GFRA1: variants seen among roughly 807,000 people sequenced by gnomAD.
GFRA1 encodes GDNF family receptor alpha-1.
A neutral mutation model predicts 51.6 loss-of-function variants in GFRA1; 16 were observed. The observed-to-expected ratio is 0.31, with a 90% CI of 0.21 to 0.47. The LOEUF (loss-of-function observed/expected upper bound fraction) is 0.47. GFRA1 is among the 20% of genes least tolerant of loss of function. GFRA1 has a pLI of 1.00. For synonymous variants in GFRA1, 270 were observed against 241.3 expected (o/e 1.12, Z -1.10); for missense variants, 530 against 594.3 (o/e 0.89, Z 1.13).
At chr10:116,169,381 G>A (rs1430312666) in intron 5 of GFRA1, among the ~76,000 whole-genome samples, 1 of 152,248 alleles carries the variant, frequency 6.6e-6, no homozygotes, top group African/African-American at 2.4e-5. Context: ...TCCCTGGCGA[G>A]GGCTCCACCC....
chr10:116,252,542 A>G (rs763704265), intron 4 of GFRA1, among the ~76,000 whole-genome samples: 3 of 152,102 alleles, frequency 2.0e-5, no homozygotes, highest in Non-Finnish European at 2.9e-5. Context: ...CAGGCTATCA[A>G]TGGTCATGCA....
At chr10:116,120,915 AAAGCTACCGGC>A (rs1957615824) in intron 6 of GFRA1, among the ~76,000 whole-genome samples, 1 of 152,176 alleles carries the variant, frequency 6.6e-6, no homozygotes, top group South Asian at 2.1e-4. Flanking sequence ...GGCAGCAGCT[AAAGCTACCGGC>A]AAGCGGGCGG....
chr10:116,211,594 A>C (rs1965198220), intron 5 of GFRA1, 37 bp downstream of exon 5: 1 of 1,537,238 alleles, frequency 6.5e-7, no homozygotes, highest in East Asian at 2.4e-5. Flanking sequence ...CAAAGAGCAC[A>C]GCCAGTGAAA....
intron 9 of GFRA1, among the ~76,000 whole-genome samples, chr10:116,081,454 C>G (rs559467763): frequency 6.6e-6 from 1 of 152,168 alleles, no homozygotes; most frequent in Non-Finnish European, 1.5e-5. Flanking sequence ...TACCCAGAAA[C>G]GCAATGTTTA....
chr10:116,079,609 AG>A (rs748043522), intron 9 of GFRA1, among the ~76,000 whole-genome samples: 62 of 152,110 alleles, frequency 4.1e-4, no homozygotes, highest in Non-Finnish European at 8.2e-4. Flanking sequence ...GCCATAGTTG[AG>A]GAAAGGTGCT....
At chr10:116,159,009 G>A (rs149262204) in intron 5 of GFRA1, among the ~76,000 whole-genome samples, 219 of 152,304 alleles carry the variant, frequency 1.4e-3, no homozygotes, top group African/African-American at 4.9e-3. Context: ...TGAAGGAAAC[G>A]GTGCTTTACC....
At chr10:116,234,196 T>A (rs757026714) in intron 4 of GFRA1, among the ~76,000 whole-genome samples, 2 of 152,158 alleles carry the variant, frequency 1.3e-5, no homozygotes, top group Non-Finnish European at 2.9e-5. Flanking sequence ...TTGCCTTTTT[T>A]CCCCCTTCAG....
chr10:116,151,009 T>A (rs2134136714), intron 5 of GFRA1, among the ~76,000 whole-genome samples: 1 of 152,260 alleles, frequency 6.6e-6, no homozygotes, highest in Non-Finnish European at 1.5e-5. Context: ...CTGCACTTTT[T>A]TTTTTTTCTA....
chr10:116,215,373 C>T (rs748282727), intron 4 of GFRA1, among the ~76,000 whole-genome samples: 7 of 152,116 alleles, frequency 4.6e-5, no homozygotes, highest in African/African-American at 1.2e-4. Context: ...TGTTCCTGTC[C>T]GCCACCTCCA....
At chr10:116,141,909 T>C (rs1958586737) in intron 5 of GFRA1, among the ~76,000 whole-genome samples, 1 of 152,008 alleles carries the variant, frequency 6.6e-6, no homozygotes, top group African/African-American at 2.4e-5. Context: ...TCTAAGAACA[T>C]CTGTGAATGC....
chr10:116,196,694 A>G (rs1403125190), intron 5 of GFRA1, among the ~76,000 whole-genome samples: 2 of 49,316 alleles, frequency 4.1e-5, no homozygotes, highest in Admixed American at 6.4e-4. Context: ...ATAGTACTAT[A>G]TATAATATAT....
At chr10:116,095,795 G>A (rs1228967593) in intron 7 of GFRA1, among the ~76,000 whole-genome samples, 1 of 152,158 alleles carries the variant, frequency 6.6e-6, no homozygotes, top group Admixed American at 6.5e-5. Flanking sequence ...CAGACAGCCG[G>A]CAGGAACACA....
chr10:116,214,998 C>T (rs1011992995), intron 4 of GFRA1, among the ~76,000 whole-genome samples: 4 of 152,020 alleles, frequency 2.6e-5, no homozygotes, highest in East Asian at 3.8e-4. Flanking sequence ...CATTTTGCAC[C>T]GTTTTATTCA....
chr10:116,161,341 C>G (rs1030606478), intron 5 of GFRA1, among the ~76,000 whole-genome samples: 4 of 152,076 alleles, frequency 2.6e-5, no homozygotes, highest in African/African-American at 9.7e-5. Context: ...TTCTAACTCC[C>G]AAATATGGAG....
intron 4 of GFRA1, among the ~76,000 whole-genome samples, chr10:116,239,921 C>G (rs1248566625): frequency 6.6e-6 from 1 of 152,142 alleles, no homozygotes; most frequent in Admixed American, 6.5e-5. Context: ...GTTAACATAG[C>G]TCCTTGTTAC....
chr10:116,256,436 A>T (rs1790816509), intron 4 of GFRA1, among the ~76,000 whole-genome samples: 1 of 152,132 alleles, frequency 6.6e-6, no homozygotes, highest in South Asian at 2.1e-4. Flanking sequence ...AGCAGCTAAA[A>T]AGGGCAGCAC....
At chr10:116,093,469 A>G (rs1383340164) in intron 8 of GFRA1, among the ~76,000 whole-genome samples, 2 of 152,154 alleles carry the variant, frequency 1.3e-5, no homozygotes, top group African/African-American at 2.4e-5. Context: ...CCAGTTCATC[A>G]CTTGCTGGGT....
intron 5 of GFRA1, among the ~76,000 whole-genome samples, chr10:116,152,930 G>A (rs1959118984): frequency 6.6e-6 from 1 of 152,194 alleles, no homozygotes; most frequent in Admixed American, 6.5e-5. Context: ...GATGACAAGT[G>A]CTTTTATTGA....
intron 9 of GFRA1, among the ~76,000 whole-genome samples, chr10:116,076,797 T>A (rs1723122593): frequency 6.6e-6 from 1 of 152,210 alleles, no homozygotes; most frequent in Non-Finnish European, 1.5e-5. Flanking sequence ...ATGTGATAAC[T>A]GTGTTTGTAT....
Sources: allele counts gnomAD v4.1 joint callset (sites outside exome capture counted in the v4.1 genomes callset), GRCh38; gene constraint gnomAD v4.1.1; transcripts MANE v1.5; gene names NCBI Gene and HGNC (gene_info 2026-07-23, HGNC 2026-07-21).